The following SLC6A13 variants were observed in gnomAD, a reference collection of about 807,000 sequenced individuals.
SLC6A13 encodes the protein solute carrier family 6 member 13, also known as sodium- and chloride-dependent GABA transporter 2.
A neutral mutation model predicts 72.9 loss-of-function variants in SLC6A13; 69 were observed. The observed-to-expected ratio is 0.95, with a 90% CI of 0.78 to 1.16. The LOEUF is 1.16. SLC6A13 is among the 50% of genes most tolerant of loss of function. The pLI is 0.00. For missense variants in SLC6A13, 735 were observed against 760.5 expected (o/e 0.97, Z 0.39); for synonymous variants, 303 against 303.0 (o/e 1.00, Z 0.00).
chr12:243,717 C>T lies in SLC6A13; in HGVS notation c.299G>A (p.Gly100Asp), dbSNP rs1370192348. 1 of 1,614,176 alleles carries T rather than the reference C, an allele frequency of 6.2e-7. No homozygotes were observed. The highest frequency in any genetic ancestry group is 2.2e-5 in the East Asian group (1 of 44,892). Residue 100 changes from glycine (G) to aspartate (D), a missense_variant, in exon 3 of 15, where the codon GGC becomes GAC. Coordinates refer to ENST00000343164, the MANE Select transcript of SLC6A13 (RefSeq NM_016615.5). ...TALGQYTSQG[G>D]VTAWRKICPI... ...GCAGATCTTCCTCCAGGCTGTGACG[C>T]CTCCCTGGCTAGTGTACTGGCCTAG...
At chr12:239,141 C>T (rs1942059884) in intron 4 of SLC6A13, among the ~76,000 whole-genome samples, 1 of 145,270 alleles carries the variant, frequency 6.9e-6, no homozygotes, top group Admixed American at 6.8e-5. Flanking sequence ...CCCTCAGCCA[C>T]ATGCTCTACC....
At chr12:235,036 T>A in intron 7 of SLC6A13, 54 bp downstream of exon 7, 1 of 1,609,888 alleles carries the variant, frequency 6.2e-7, no homozygotes, top group Non-Finnish European at 8.5e-7. Context: ...AGGGAAAGCC[T>A]GAAGCTCAGT....
At chr12:235,691 A>G (rs935348174) in intron 6 of SLC6A13, among the ~76,000 whole-genome samples, 18 of 152,232 alleles carry the variant, frequency 1.2e-4, no homozygotes, top group African/African-American at 4.1e-4. Context: ...AAGGGAAGAC[A>G]ACCATAAGGT....
At chr12:228,189 A>G (rs1941547354) in intron 7 of SLC6A13, among the ~76,000 whole-genome samples, 1 of 151,916 alleles carries the variant, frequency 6.6e-6, no homozygotes, top group African/African-American at 2.4e-5. Flanking sequence ...GAACAGAAAC[A>G]CCTCTGAAAA....
chr12:246,750 G>C (rs914252062), intron 2 of SLC6A13, among the ~76,000 whole-genome samples: 1 of 152,204 alleles, frequency 6.6e-6, no homozygotes, highest in Non-Finnish European at 1.5e-5. Flanking sequence ...GTTCATGCCT[G>C]TAATCCCCGC....
chr12:261,296 T>G (rs774004722), intron 1 of SLC6A13, among the ~76,000 whole-genome samples: 43 of 152,218 alleles, frequency 2.8e-4, no homozygotes, highest in Non-Finnish European at 5.7e-4. Flanking sequence ...TACCTCCACT[T>G]TATAAATAAG....
At chr12:232,475 G>C (rs1433440716) in intron 7 of SLC6A13, among the ~76,000 whole-genome samples, 1 of 152,184 alleles carries the variant, frequency 6.6e-6, no homozygotes, top group Non-Finnish European at 1.5e-5. Flanking sequence ...ATAAGTCAAA[G>C]GGCTTATGAT....
chr12:223,966 C>G, intron 11 of SLC6A13, 26 bp downstream of exon 11: 9 of 1,612,518 alleles, frequency 5.6e-6, no homozygotes, highest in Non-Finnish European at 7.6e-6. Flanking sequence ...TCCTCCCCAG[C>G]CTTCCCCCGC....
At chr12:244,773 AAAG>A (rs1942289930) in intron 2 of SLC6A13, among the ~76,000 whole-genome samples, 3 of 152,200 alleles carry the variant, frequency 2.0e-5, no homozygotes, top group Non-Finnish European at 1.5e-5. Context: ...GGGCTGACAC[AAAG>A]AAGAAGGCCC....
intron 7 of SLC6A13, among the ~76,000 whole-genome samples, chr12:228,885 C>G (rs934661487): frequency 1.3e-5 from 2 of 152,192 alleles, no homozygotes; most frequent in Admixed American, 6.5e-5. Flanking sequence ...TCCGAGCTTC[C>G]TGGGTGATCC....
At chr12:262,691 G>A (rs1942966278) in intron 1 of SLC6A13, 98 bp downstream of exon 1, 1 of 985,020 alleles carries the variant, frequency 1.0e-6, no homozygotes, top group African/African-American at 1.7e-5. Context: ...CTAGGCGAGG[G>A]TAAGAAAAAA....
In SLC6A13 at chr12:259,967, G is replaced by A. The variant is rs1942874932; in HGVS notation, c.86C>T (p.Thr29Ile). 2 of 1,614,158 alleles carry A rather than the reference G, an allele frequency of 1.2e-6. No individual in the cohort carries two copies. Among genetic ancestry groups the A allele is most frequent in the Non-Finnish European group, 1.7e-6 (2 of 1,180,024 alleles). ...GTTGTTCCAGTGCCCCCGCTCCAGGGTGCCATCTTCCTCCTTCTTTTCCAT... is the reference window on the plus strand; with the variant it reads ...GTTGTTCCAGTGCCCCCGCTCCAGGATGCCATCTTCCTCCTTCTTTTCCAT... ...PVMEKKEEDGTLERGHWNNKM... is the reference protein window; with the variant it reads ...PVMEKKEEDGILERGHWNNKM... Residue 29 changes from threonine to isoleucine, a missense_variant, in exon 2 of 15, where the codon ACC (threonine) becomes ATC (isoleucine). Transcript: ENST00000343164.
At chr12:226,241 T>C in intron 9 of SLC6A13, 149 bp downstream of exon 9, 1 of 918,560 alleles carries the variant, frequency 1.1e-6, no homozygotes, top group Non-Finnish European at 1.7e-6. Context: ...CTGTTTCAAT[T>C]CTCCGCCAAG....
chr12:250,826 A>G, intron 2 of SLC6A13, among the ~76,000 whole-genome samples: 1 of 25,814 alleles, frequency 3.9e-5, no homozygotes, highest in Non-Finnish European at 1.5e-4. Context: ...GACCCAAAAT[A>G]GCCCCCCAAA....
intron 7 of SLC6A13, among the ~76,000 whole-genome samples, chr12:229,378 T>C (rs1423014985): frequency 1.3e-5 from 2 of 152,206 alleles, no homozygotes; most frequent in African/African-American, 2.4e-5. Context: ...TTCTAAATCC[T>C]TTTTTCTCTT....
intron 4 of SLC6A13, chr12:238,429 G>C: frequency 1.2e-6 from 1 of 867,332 alleles, no homozygotes; most frequent in South Asian, 1.4e-5. Flanking sequence ...CTGACCCCAC[G>C]GGTATGAACT....
Position 229,726 on chromosome 12 carries a change from G to C in SLC6A13, c.832-2058C>G, listed in dbSNP as rs192536993. ...TGGACATTTGCTCCCAGGCCTGACG[G>C]TGCGCTGGGTGCAGACTGGGCCATG... On this transcript the variant is annotated intron_variant, in intron 7 of 14. Coordinates refer to ENST00000343164, the MANE Select transcript of SLC6A13 (RefSeq NM_016615.5). 1.8e-3 allele frequency among the ~76,000 whole-genome samples: 275 copies of C among 152,332 alleles called. 1 individual carries two copies. Among genetic ancestry groups the C allele is most frequent in the African/African-American group, 6.2e-3 (257 of 41,572 alleles).
intron 7 of SLC6A13, 122 bp from the exon 8 acceptor site, chr12:227,790 A>G (rs1345477625): frequency 1.1e-5 from 9 of 792,246 alleles, no homozygotes; most frequent in Non-Finnish European, 1.8e-5. Context: ...ACCTGTTCTC[A>G]GCCAACACTT....
intron 7 of SLC6A13, among the ~76,000 whole-genome samples, chr12:229,135 G>A (rs572312922): frequency 6.6e-6 from 1 of 152,314 alleles, no homozygotes; most frequent in Non-Finnish European, 1.5e-5. Context: ...AAGAAGCACA[G>A]AGGAGGATTT....
Sources: gnomAD v4.1 joint callset for allele counts (sites outside exome capture counted in the v4.1 genomes callset) on GRCh38, gnomAD v4.1.1 for gene constraint, MANE v1.5 for transcripts, NCBI Gene and HGNC (gene_info 2026-07-23, HGNC 2026-07-21) for gene names.